The following ZNRF3 variants were observed in gnomAD, a reference collection of about 807,000 sequenced individuals.
ZNRF3 encodes zinc and ring finger 3.
ZNRF3 carries 23 observed loss-of-function variants against 72.5 expected under a neutral mutation model. That is an observed-to-expected ratio of 0.32 (90% CI 0.23 to 0.45). The LOEUF is 0.45. ZNRF3 is among the 20% of genes least tolerant of loss of function. The pLI is 1.00. For synonymous variants in ZNRF3, 610 were observed against 545.3 expected (o/e 1.12, Z -1.65); for missense variants, 1,169 against 1,272.1 (o/e 0.92, Z 1.23).
At chr22:28,892,206 G>A (rs1022837123) in intron 1 of ZNRF3, among the ~76,000 whole-genome samples, 1 of 152,194 alleles carries the variant, frequency 6.6e-6, no homozygotes, top group African/African-American at 2.4e-5. Flanking sequence ...GGTGCCCCCC[G>A]TCCATCAGAT....
At chr22:29,016,213 T>C (rs1256724338) in intron 2 of ZNRF3, among the ~76,000 whole-genome samples, 1 of 152,202 alleles carries the variant, frequency 6.6e-6, no homozygotes, top group Non-Finnish European at 1.5e-5. Flanking sequence ...TCTAGATACC[T>C]GATCAACGAA....
intron 1 of ZNRF3, among the ~76,000 whole-genome samples, chr22:28,887,225 AGAGAGAGAGAGTGT>A (rs1426315180): frequency 1.0e-5 from 1 of 97,848 alleles, no homozygotes; most frequent in East Asian, 2.6e-4. Flanking sequence ...CAACGAAGAG[AGAGAGAGAGAGTGT>A]GTGTGTGTGT....
chr22:28,969,407 G>A (rs2035531149), intron 1 of ZNRF3, among the ~76,000 whole-genome samples: 1 of 152,156 alleles, frequency 6.6e-6, no homozygotes, highest in African/African-American at 2.4e-5. Flanking sequence ...GAGGGAAACT[G>A]AATCAAAAAT....
At chr22:28,945,303 C>G (rs569022038) in intron 1 of ZNRF3, among the ~76,000 whole-genome samples, 2 of 152,136 alleles carry the variant, frequency 1.3e-5, no homozygotes, top group Non-Finnish European at 2.9e-5. Context: ...GAGTACTGTG[C>G]AGACATCTAG....
intron 1 of ZNRF3, among the ~76,000 whole-genome samples, chr22:28,949,870 A>T (rs1308665669): frequency 6.6e-6 from 1 of 152,238 alleles, no homozygotes; most frequent in Admixed American, 6.5e-5. Flanking sequence ...TACAGCTAAC[A>T]ATCACACAAG....
intron 1 of ZNRF3, among the ~76,000 whole-genome samples, chr22:28,965,284 A>G (rs1192384458): frequency 1.3e-5 from 2 of 152,238 alleles, no homozygotes; most frequent in African/African-American, 2.4e-5. Flanking sequence ...CACAACTACT[A>G]AAACAGAAAA....
At position 29,044,783 on chromosome 22, in the gene ZNRF3, C is replaced by A; in HGVS notation, c.637C>A (p.Pro213Thr). 2 of 1,612,698 alleles carry A rather than the reference C, an allele frequency of 1.2e-6. No individual in the cohort carries two copies. The highest frequency in any genetic ancestry group is 1.7e-6 in the Non-Finnish European group (2 of 1,178,710). The stretch of plus-strand genomic sequence containing the variant: ...CTGTGTCTGTGTTCCGTTCCAGCAA[C>A]CCACTGAATACTTTGACATGGGGAT... ...ARIQHRPPRQ[P>T]TEYFDMGIFL... Residue 213 changes from proline (P) to threonine (T), a missense_variant, in exon 5 of 9, where the codon CCC (proline) becomes ACC (threonine). Physicochemically the swap from Pro to Thr is conservative, Grantham distance 38. This residue lies in a region of ZNRF3 where 386 missense variants were observed against 540.7 expected (regional missense o/e 0.71). Transcript: ENST00000544604.
chr22:28,937,174 A>ATATATAT lies in ZNRF3; in HGVS notation c.301-49902_301-49901insTATATAT, dbSNP rs1555970638. Reference sequence around the variant, plus strand: ...CGCTGCCAACCTACTTCTCTCTTATAATATATATATATATATATATATATA... The same window carrying ATATATAT: ...CGCTGCCAACCTACTTCTCTCTTATATATATATATATATATATATATATATATATATA... On this transcript the variant is annotated intron_variant, in intron 1 of 8. Coordinates refer to ENST00000544604, the MANE Select transcript of ZNRF3 (RefSeq NM_001206998.2). 6.6e-4 allele frequency among the ~76,000 whole-genome samples: 52 copies of ATATATAT among 78,710 alleles called. 1 individual carries two copies. Among genetic ancestry groups the ATATATAT allele is most frequent in the African/African-American group, 3.3e-3 (51 of 15,322 alleles). The allele number at this position is 78,710 out of a possible 152,430, so 51.6% of individuals were successfully genotyped here.
intron 1 of ZNRF3, among the ~76,000 whole-genome samples, chr22:28,915,853 C>T (rs2034398068): frequency 6.6e-6 from 1 of 152,152 alleles, no homozygotes; most frequent in Non-Finnish European, 1.5e-5. Context: ...ACGGGCACCG[C>T]CCCCATATCC....
At chr22:29,017,314 G>A (rs1569282811) in intron 2 of ZNRF3, among the ~76,000 whole-genome samples, 1 of 152,194 alleles carries the variant, frequency 6.6e-6, no homozygotes, top group African/African-American at 2.4e-5. Flanking sequence ...CCATCAGGCA[G>A]GTGTACACTG....
rs562679872 is a variant in ZNRF3 at position 28,945,779 on chromosome 22, C to T, written c.301-41297C>T. 3.9e-5 allele frequency among the ~76,000 whole-genome samples: 6 copies of T among 152,080 alleles called. No individual in the cohort carries two copies. In the South Asian group the frequency reaches 6.3e-4, roughly 16 times the overall value. ...TCTTGACCTCGTGATCTGCCCGCCT[C>T]GGCCTCCTGAAGTGCTGGGATTATA... On this transcript the variant is annotated intron_variant, in intron 1 of 8. Coordinates refer to ENST00000544604, the MANE Select transcript of ZNRF3 (RefSeq NM_001206998.2).
intron 6 of ZNRF3, 90 bp downstream of exon 6, chr22:29,046,973 TC>T: frequency 8.2e-7 from 1 of 1,219,624 alleles, no homozygotes; most frequent in Non-Finnish European, 1.1e-6. Context: ...GGCCCTGTGT[TC>T]CATCACACAC....
At chr22:28,984,928 C>G (rs1160989006) in intron 1 of ZNRF3, among the ~76,000 whole-genome samples, 1 of 152,296 alleles carries the variant, frequency 6.6e-6, no homozygotes, top group Middle Eastern at 3.4e-3. Flanking sequence ...AAAGTTAGAT[C>G]CCAGGGCCCT....
At chr22:29,019,129 G>A (rs546571936) in intron 2 of ZNRF3, among the ~76,000 whole-genome samples, 1 of 152,070 alleles carries the variant, frequency 6.6e-6, no homozygotes, top group South Asian at 2.1e-4. Context: ...GAGAGGGCAA[G>A]CATGAACACC....
intron 2 of ZNRF3, among the ~76,000 whole-genome samples, chr22:28,998,156 G>A (rs561995917): frequency 3.9e-5 from 6 of 151,970 alleles, no homozygotes; most frequent in Admixed American, 1.3e-4. Context: ...TAAATTAGCC[G>A]GGCATGGTGG....
intron 1 of ZNRF3, among the ~76,000 whole-genome samples, chr22:28,976,322 G>T (rs895849408): frequency 1.3e-5 from 2 of 152,110 alleles, no homozygotes; most frequent in Non-Finnish European, 2.9e-5. Flanking sequence ...AGGAGTTTGA[G>T]ACCAGCCTGG....
intron 2 of ZNRF3, among the ~76,000 whole-genome samples, chr22:29,010,317 C>T (rs2036327032): frequency 6.6e-6 from 1 of 152,166 alleles, no homozygotes; most frequent in East Asian, 1.9e-4. Flanking sequence ...GGAATTTGAC[C>T]ACTCCAGGTC....
intron 1 of ZNRF3, among the ~76,000 whole-genome samples, chr22:28,912,932 C>T (rs762666407): frequency 6.6e-6 from 1 of 152,192 alleles, no homozygotes; most frequent in African/African-American, 2.4e-5. Flanking sequence ...TCCCAAAGTG[C>T]TGAGATTACA....
chr22:28,921,739 C>T (rs1393100108), intron 1 of ZNRF3, among the ~76,000 whole-genome samples: 1 of 152,176 alleles, frequency 6.6e-6, no homozygotes, highest in Non-Finnish European at 1.5e-5. Flanking sequence ...CATATTCCCC[C>T]ACAGCATTCC....
Sources: gnomAD v4.1 joint callset for allele counts (sites outside exome capture counted in the v4.1 genomes callset) on GRCh38, gnomAD v4.1.1 for gene constraint, gnomAD v4.1.1 regional missense constraint, MANE v1.5 for transcripts, NCBI Gene and HGNC (gene_info 2026-07-23, HGNC 2026-07-21) for gene names.